Variants in MYO16 observed in about 807,000 individuals in gnomAD.
MYO16 encodes the protein unconventional myosin-XVI.
MYO16 carries 94 observed loss-of-function variants against 205.3 expected under a neutral mutation model. The ratio of observed to expected loss-of-function variants is 0.46; its 90% confidence interval spans 0.39 to 0.54. The LOEUF is 0.54. MYO16 is among the 20% of genes least tolerant of loss of function. The pLI is 0.00. For missense variants in MYO16, 2,315 were observed against 2,387.5 expected (o/e 0.97, Z 0.63); for synonymous variants, 988 against 954.0 (o/e 1.04, Z -0.66).
chr13:108,726,451 C>A (rs914798144), intron 3 of MYO16, among the ~76,000 whole-genome samples: 1 of 151,612 alleles, frequency 6.6e-6, no homozygotes, highest in African/African-American at 2.4e-5. Context: ...CCCAGCTACT[C>A]AGGAGGCTGA....
At chr13:108,589,236 G>T in the MYO16 span, among the ~76,000 whole-genome samples, 1 of 152,152 alleles carries the variant, frequency 6.6e-6, no homozygotes, top group Non-Finnish European at 1.5e-5. Flanking sequence ...TAAACCACAT[G>T]TTGACTTCTT....
At chr13:108,501,165 G>T in the MYO16 span, among the ~76,000 whole-genome samples, 1 of 152,070 alleles carries the variant, frequency 6.6e-6, no homozygotes, top group African/African-American at 2.4e-5. Flanking sequence ...TTATTGAAAC[G>T]CCGGACTTTC....
intron 4 of MYO16, among the ~76,000 whole-genome samples, chr13:108,751,367 C>T (rs1348323452): frequency 6.6e-6 from 1 of 151,936 alleles, no homozygotes; most frequent in Non-Finnish European, 1.5e-5. Context: ...CAATGGCTCA[C>T]ACTGGAACGA....
At chr13:108,751,061 T>TCA (rs35604385) in intron 4 of MYO16, among the ~76,000 whole-genome samples, 30,798 of 149,786 alleles carry the variant, frequency 0.21, 3,420 homozygotes, top group African/African-American at 0.32. Context: ...ATATGTGTGT[T>TCA]CACACACACA....
At chr13:108,908,165 A>G (rs950740629) in intron 15 of MYO16, among the ~76,000 whole-genome samples, 3 of 152,182 alleles carry the variant, frequency 2.0e-5, no homozygotes, top group African/African-American at 4.8e-5. Context: ...TCATCCACTG[A>G]GGTTTACTGC....
At chr13:109,199,642 A>G (rs1253871725) in intron 34 of MYO16, among the ~76,000 whole-genome samples, 1 of 152,198 alleles carries the variant, frequency 6.6e-6, no homozygotes, top group African/African-American at 2.4e-5. Flanking sequence ...AGGATAAATT[A>G]TACTCAGTGT....
At position 108,690,261 on chromosome 13, in the gene MYO16, T is replaced by G. The variant is rs139105307; in HGVS notation, c.293-22400T>G. On this transcript the variant is annotated intron_variant, in intron 2 of 34. Coordinates refer to ENST00000457511, the MANE Select transcript of MYO16 (RefSeq NM_001198950.3). ...CATCCTTTATTCTTTTCTCACCTTT[T>G]CTTTCTTTTCTTTATTTTCCTTTGC... Among the ~76,000 whole-genome samples, 449 of 116,320 alleles carry G rather than the reference T, an allele frequency of 3.9e-3. 2 individuals are homozygous for G. Among genetic ancestry groups the G allele is most frequent in the Non-Finnish European group, 3.8e-3 (214 of 56,126 alleles). The allele number at this position is 116,320 out of a possible 152,430, so 76.3% of individuals were successfully genotyped here. A position where few individuals can be genotyped will look rare whatever the true frequency, so the allele number is the denominator to read the frequency against.
intron 4 of MYO16, among the ~76,000 whole-genome samples, chr13:108,762,728 T>A (rs1195963715): frequency 6.6e-6 from 1 of 152,202 alleles, no homozygotes; most frequent in East Asian, 1.9e-4. Flanking sequence ...ATTCTGGAAT[T>A]TTAGAATTTG....
chr13:109,036,240 C>T (rs896809516), intron 23 of MYO16, among the ~76,000 whole-genome samples: 11 of 152,100 alleles, frequency 7.2e-5, no homozygotes, highest in African/African-American at 2.7e-4. Context: ...ATTTCTGTGG[C>T]GTTCTCTTGC....
the MYO16 span, among the ~76,000 whole-genome samples, chr13:108,590,683 G>T: frequency 6.6e-6 from 1 of 152,104 alleles, no homozygotes. Flanking sequence ...AGACACAAGG[G>T]TACAGAAGAC....
At chr13:108,824,620 A>G (rs1454550871) in intron 9 of MYO16, among the ~76,000 whole-genome samples, 3 of 152,136 alleles carry the variant, frequency 2.0e-5, no homozygotes, top group African/African-American at 7.2e-5. Context: ...ATAAACAACC[A>G]GATCTAACAG....
rs116310204 is a variant in MYO16 at position 109,130,960 on chromosome 13, C to T, written c.4051+3410C>T. Among the ~76,000 whole-genome samples the T allele has an allele frequency of 3.3e-3, 503 of 152,196 alleles. 6 individuals are homozygous for T. The highest frequency in any genetic ancestry group is 0.011 in the African/African-American group (471 of 41,506). On this transcript the variant is annotated intron_variant, in intron 31 of 34. Transcript: ENST00000457511. ...AGGGGTAGAATTTTTCCATCATCAC[C>T]GAAGCTTCTCTTAGACAACCCTGAT...
chr13:108,586,781 T>C, the MYO16 span, among the ~76,000 whole-genome samples: 2 of 152,244 alleles, frequency 1.3e-5, no homozygotes, highest in African/African-American at 4.8e-5. Flanking sequence ...CAGCTTCTTC[T>C]CCAGCTTGTC....
At chr13:108,989,532 T>TCATG (rs1884749467) in intron 20 of MYO16, among the ~76,000 whole-genome samples, 1 of 152,186 alleles carries the variant, frequency 6.6e-6, no homozygotes, top group African/African-American at 2.4e-5. Flanking sequence ...ATCATAGGGT[T>TCATG]CATGCTATTT....
At chr13:108,498,597 G>GA in the MYO16 span, among the ~76,000 whole-genome samples, 8 of 152,298 alleles carry the variant, frequency 5.3e-5, no homozygotes, top group African/African-American at 1.7e-4. Context: ...AGCAAAGAGT[G>GA]AGCATGTGAA....
chr13:108,863,682 TC>T (rs1878564763), intron 11 of MYO16, among the ~76,000 whole-genome samples: 2 of 152,234 alleles, frequency 1.3e-5, no homozygotes, highest in Middle Eastern at 3.4e-3. Flanking sequence ...GAGTCTAATG[TC>T]AATTTTGTGT....
At position 108,823,160 on chromosome 13, in the gene MYO16, C is replaced by T; in HGVS notation, c.979C>T (p.Leu327=). 1 of 1,612,146 alleles carries T rather than the reference C, an allele frequency of 6.2e-7. No individual in the cohort carries two copies. Among genetic ancestry groups the T allele is most frequent in the Non-Finnish European group, 8.5e-7 (1 of 1,179,408 alleles). Residue 327 remains leucine (L), a synonymous_variant, in exon 9 of 35, where the codon CTG becomes TTG. Coordinates refer to ENST00000457511, the MANE Select transcript of MYO16 (RefSeq NM_001198950.3). ...AASEFIEEML[L]KAEIAWEEKM... ...CTCTGAGTTTATTGAGGAAATGCTG[C>T]TGAAAGCCGAAATTGCCTGGGAAGA...
intron 12 of MYO16, among the ~76,000 whole-genome samples, chr13:108,874,091 G>GA (rs1374012133): frequency 6.6e-6 from 1 of 152,100 alleles, no homozygotes; most frequent in Non-Finnish European, 1.5e-5. Context: ...AAATAACAAT[G>GA]AAAAAATCAC....
intron 16 of MYO16, among the ~76,000 whole-genome samples, chr13:108,945,270 G>A (rs1400610703): frequency 2.6e-5 from 4 of 152,106 alleles, no homozygotes; most frequent in African/African-American, 9.7e-5. Context: ...AATGTATGAT[G>A]ACATTTAGAC....
Sources: gnomAD v4.1 joint callset for allele counts (sites outside exome capture counted in the v4.1 genomes callset) on GRCh38, gnomAD v4.1.1 for gene constraint, MANE v1.5 for transcripts, NCBI Gene and HGNC (gene_info 2026-07-23, HGNC 2026-07-21) for gene names.